Variants in DLC1 observed in about 807,000 individuals in gnomAD.
DLC1 encodes the protein rho GTPase-activating protein 7.
In DLC1, 54 loss-of-function variants were observed where a neutral mutation model predicts 140.3. The observed-to-expected ratio is 0.38, with a 90% CI of 0.31 to 0.48. DLC1 has a LOEUF of 0.48. DLC1 is among the 20% of genes least tolerant of loss of function. DLC1 has a pLI of 0.96. For missense variants in DLC1, 2,536 were observed against 1,907.0 expected, an observed-to-expected ratio of 1.33 and a Z score of -6.14; for synonymous variants, 986 against 728.1, an observed-to-expected ratio of 1.35 and a Z score of -5.70.
Position 13,333,575 on chromosome 8 carries a change from A to G in DLC1, c.1315-28273T>C, listed in dbSNP as rs528190036. On this transcript the variant is annotated intron_variant, in intron 4 of 17. Coordinates refer to ENST00000276297, the MANE Select transcript of DLC1 (RefSeq NM_182643.3). ...AAAATAAACATTTTCTAAGACTGAAACTGCTTAACGAGGGCATTTCAAGAT... is the reference window on the plus strand; with the variant it reads ...AAAATAAACATTTTCTAAGACTGAAGCTGCTTAACGAGGGCATTTCAAGAT... Among the ~76,000 whole-genome samples, 18 of 152,240 alleles carry G rather than the reference A, an allele frequency of 1.2e-4. No homozygotes were observed. The South Asian group carries it at 3.7e-3, about 32-fold the overall frequency.
intron 5 of DLC1, among the ~76,000 whole-genome samples, chr8:13,290,939 A>T (rs975682007): frequency 6.6e-6 from 1 of 152,094 alleles, no homozygotes; most frequent in African/African-American, 2.4e-5. Flanking sequence ...ATGGAGTTTC[A>T]TTCTCACTGC....
chr8:13,164,237 C>T (rs950453310), intron 5 of DLC1, among the ~76,000 whole-genome samples: 1 of 151,664 alleles, frequency 6.6e-6, no homozygotes, highest in African/African-American at 2.4e-5. Context: ...GCGGAGGTTG[C>T]AGTGAGCCAA....
intron 5 of DLC1, among the ~76,000 whole-genome samples, chr8:13,258,327 C>T (rs1198398367): frequency 1.3e-5 from 2 of 152,138 alleles, no homozygotes; most frequent in Non-Finnish European, 2.9e-5. Context: ...CAACAGAATA[C>T]AGAGAAGTAC....
At chr8:13,111,197 T>C (rs947497213) in intron 6 of DLC1, among the ~76,000 whole-genome samples, 3 of 152,140 alleles carry the variant, frequency 2.0e-5, no homozygotes, top group South Asian at 2.1e-4. Context: ...TGTGTGTATG[T>C]GTGTGTGTCT....
At chr8:13,537,404 T>C (rs1264340486) in intron 1 of DLC1, among the ~76,000 whole-genome samples, 2 of 152,176 alleles carry the variant, frequency 1.3e-5, no homozygotes, top group East Asian at 1.9e-4. Flanking sequence ...TTCTGTAGCA[T>C]GGTGAAACAC....
chr8:13,508,608 C>G (rs1333495196), intron 1 of DLC1, among the ~76,000 whole-genome samples: 1 of 151,906 alleles, frequency 6.6e-6, no homozygotes, highest in Non-Finnish European at 1.5e-5. Context: ...TTAGTAGAGA[C>G]AGGGTTTCAC....
intron 2 of DLC1, among the ~76,000 whole-genome samples, chr8:13,453,611 C>G (rs1208252834): frequency 7.4e-6 from 1 of 134,914 alleles, no homozygotes; most frequent in Non-Finnish European, 1.5e-5. Context: ...GTTGAGCAGC[C>G]AATTCATTTG....
At chr8:13,400,282 C>G (rs1329081315) in intron 3 of DLC1, among the ~76,000 whole-genome samples, 3 of 152,096 alleles carry the variant, frequency 2.0e-5, no homozygotes, top group African/African-American at 7.2e-5. Context: ...TGTGCTTGAT[C>G]CGTGCGGTAC....
intron 5 of DLC1, among the ~76,000 whole-genome samples, chr8:13,303,361 A>G (rs1832281987): frequency 6.6e-6 from 1 of 152,172 alleles, no homozygotes; most frequent in African/African-American, 2.4e-5. Context: ...TGTGTGCCTC[A>G]GCCATATAGA....
intron 1 of DLC1, among the ~76,000 whole-genome samples, chr8:13,572,172 C>A: frequency 6.6e-6 from 1 of 151,108 alleles, no homozygotes; most frequent in South Asian, 2.1e-4. Flanking sequence ...TCACTGCAAG[C>A]TCCACCTCCC....
chr8:13,311,383 C>G (rs571565889), intron 4 of DLC1, among the ~76,000 whole-genome samples: 194 of 152,262 alleles, frequency 1.3e-3, no homozygotes, highest in African/African-American at 4.5e-3. Context: ...AACTTAGTTT[C>G]TCAACCAGAT....
chr8:13,594,395 T>A (rs980930218), intron 1 of DLC1, among the ~76,000 whole-genome samples: 2 of 152,072 alleles, frequency 1.3e-5, no homozygotes, highest in African/African-American at 4.8e-5. Flanking sequence ...ATTGTTTTGA[T>A]TGATTTTTGT....
At chr8:13,193,292 A>G (rs745441790) in intron 5 of DLC1, among the ~76,000 whole-genome samples, 2 of 152,198 alleles carry the variant, frequency 1.3e-5, no homozygotes, top group Non-Finnish European at 2.9e-5. Context: ...GAAGCCTATC[A>G]GGGACAACAT....
At chr8:13,299,047 A>G (rs925923807) in intron 5 of DLC1, among the ~76,000 whole-genome samples, 4 of 152,200 alleles carry the variant, frequency 2.6e-5, no homozygotes, top group African/African-American at 9.7e-5. Context: ...TAGTGACTAA[A>G]ATGCAGTGTT....
chr8:13,191,926 GATTATTATT>G lies in DLC1; in HGVS notation c.1349-76278_1349-76270del, dbSNP rs143940185. Among the ~76,000 whole-genome samples the G allele has an allele frequency of 1.8e-4, 26 of 141,928 alleles. No individual in the cohort carries two copies. In the South Asian group the frequency reaches 2.1e-3, roughly 11 times the overall value. 93.1% of individuals were successfully genotyped at this position (141,928 alleles called of 152,430 possible). A position where few individuals can be genotyped will look rare whatever the true frequency, so the allele number is the denominator to read the frequency against. On this transcript the variant is annotated intron_variant, in intron 5 of 17. Transcript: ENST00000276297. ...AACTCTGCTTTAAGGGGAGTGGCCT[GATTATTATT>G]ATTATTATTATTATTATTATTATTT... is the stretch of plus-strand genomic sequence containing the variant.
intron 4 of DLC1, among the ~76,000 whole-genome samples, chr8:13,332,911 G>C (rs1833659483): frequency 6.6e-6 from 1 of 151,896 alleles, no homozygotes; most frequent in Non-Finnish European, 1.5e-5. Context: ...CTTAAGAGTG[G>C]TTCTCGGATG....
intron 2 of DLC1, among the ~76,000 whole-genome samples, chr8:13,410,382 C>G (rs11203484): frequency 6.6e-6 from 1 of 151,896 alleles, no homozygotes; most frequent in Non-Finnish European, 1.5e-5. Context: ...CTGCCCAATG[C>G]AACAGAAACA....
intron 1 of DLC1, among the ~76,000 whole-genome samples, chr8:13,585,527 A>G (rs2117456594): frequency 6.6e-6 from 1 of 152,322 alleles, no homozygotes; most frequent in East Asian, 1.9e-4. Context: ...TTAGTTTGCT[A>G]GGGCTGCTGT....
rs115967938 is a variant in DLC1, at chr8:13,121,472, C to T, written c.1349-5815G>A. ...CACTGGGAGAAGCAAATCACGACCA[C>T]AAATACTTGTAGTAAGGTAAGGAAA... On this transcript the variant is annotated intron_variant, in intron 5 of 17. Coordinates refer to ENST00000276297, the MANE Select transcript of DLC1 (RefSeq NM_182643.3). Among the ~76,000 whole-genome samples the T allele has an allele frequency of 8.0e-3, 1,217 of 152,282 alleles. 23 individuals carry two copies. The highest frequency in any genetic ancestry group is 0.027 in the African/African-American group (1,138 of 41,554).
Sources: gnomAD v4.1 joint callset for allele counts (sites outside exome capture counted in the v4.1 genomes callset) on GRCh38, gnomAD v4.1.1 for gene constraint, MANE v1.5 for transcripts, NCBI Gene and HGNC (gene_info 2026-07-23, HGNC 2026-07-21) for gene names.